Variants in ATG7 observed in about 807,000 individuals in gnomAD.
ATG7 encodes the protein autophagy related 7.
Under a neutral mutation model 82.4 loss-of-function variants are expected in ATG7, and 70 were observed. The ratio of observed to expected loss-of-function variants is 0.85; its 90% CI spans 0.70 to 1.04. ATG7 has a LOEUF of 1.04. Among genes scored for constraint, ATG7 ranks in the 50% least tolerant of loss-of-function variants. The pLI is 0.00. For synonymous variants in ATG7, 287 were observed against 313.0 expected, an observed-to-expected ratio of 0.92 and a Z score of 0.88; for missense variants, 792 against 864.3, an observed-to-expected ratio of 0.92 and a Z score of 1.05.
chr3:11,322,458 TAA>T (rs1950336446), intron 9 of ATG7, among the ~76,000 whole-genome samples: 1 of 152,232 alleles, frequency 6.6e-6, no homozygotes, highest in Admixed American at 6.5e-5. Flanking sequence ...TCTCTGTTTT[TAA>T]AATGTCGCAA....
chr3:11,518,257 T>G (rs1339773819), intron 20 of ATG7, among the ~76,000 whole-genome samples: 1 of 70,588 alleles, frequency 1.4e-5, no homozygotes, highest in Non-Finnish European at 3.6e-5. Context: ...TTGAAAAACC[T>G]GAGCCGAGGC....
At chr3:11,463,584 G>A (rs982635138) in intron 20 of ATG7, among the ~76,000 whole-genome samples, 5 of 150,858 alleles carry the variant, frequency 3.3e-5, no homozygotes, top group African/African-American at 7.3e-5. Flanking sequence ...AGGACTCTTG[G>A]TTTCAAGTGA....
At chr3:11,456,900 T>C (rs1302449446) in intron 20 of ATG7, among the ~76,000 whole-genome samples, 1 of 152,338 alleles carries the variant, frequency 6.6e-6, no homozygotes, top group East Asian at 1.9e-4. Flanking sequence ...GTAGTTGGTA[T>C]ACAGCACCTC....
intron 20 of ATG7, among the ~76,000 whole-genome samples, chr3:11,485,823 C>G (rs2089560437): frequency 6.6e-6 from 1 of 152,164 alleles, no homozygotes; most frequent in Non-Finnish European, 1.5e-5. Flanking sequence ...GCTTGCTTTT[C>G]TCAGTTTCGT....
intron 20 of ATG7, among the ~76,000 whole-genome samples, chr3:11,444,166 A>G (rs543222645): frequency 3.3e-5 from 5 of 152,250 alleles, no homozygotes; most frequent in South Asian, 2.1e-4. Flanking sequence ...TTTCGTTGCT[A>G]TGTAGTGTTT....
Position 11,347,917 on chromosome 3 carries a change from A to G in ATG7, c.1166A>G (p.Lys389Arg). The change falls in exon 14 of 21, where the codon AAG becomes AGG. Residue 389 changes from lysine to arginine, a missense_variant. Transcript: ENST00000693202. Reference protein sequence around the residue: ...VRHITFVDNAKISYSNPVRQP... With the variant: ...VRHITFVDNARISYSNPVRQP... ...CACATCACATTTGTGGACAATGCCAAGATCTCCTACTCCAATCCTGTGAGG... is the reference window on the plus strand; with the variant it reads ...CACATCACATTTGTGGACAATGCCAGGATCTCCTACTCCAATCCTGTGAGG... The G allele has an allele frequency of 1.9e-6, 3 of 1,614,188 alleles. No individual in the cohort carries two copies. The highest frequency in any genetic ancestry group is 2.5e-6 in the Non-Finnish European group (3 of 1,180,022).
chr3:11,430,821 A>T (rs1038144601), intron 20 of ATG7, among the ~76,000 whole-genome samples: 1 of 152,236 alleles, frequency 6.6e-6, no homozygotes, highest in African/African-American at 2.4e-5. Flanking sequence ...GGGGAATAGG[A>T]TGTCAAGAAA....
intron 9 of ATG7, among the ~76,000 whole-genome samples, chr3:11,328,114 A>C (rs1189632952): frequency 1.3e-5 from 2 of 152,234 alleles, no homozygotes; most frequent in African/African-American, 4.8e-5. Flanking sequence ...GGTACAGATA[A>C]AGATACAGAT....
intron 20 of ATG7, among the ~76,000 whole-genome samples, chr3:11,551,957 C>CA (rs1349636551): frequency 1.3e-5 from 2 of 152,116 alleles, no homozygotes; most frequent in Admixed American, 1.3e-4. Context: ...CCATGTTGGC[C>CA]AGGCTGGTCT....
chr3:11,566,229 CCA>C, the ATG7 span, among the ~76,000 whole-genome samples: 4,595 of 151,878 alleles, frequency 0.03, 117 homozygotes, highest in Non-Finnish European at 0.046. Flanking sequence ...CACACGCACA[CCA>C]CACACACACA....
chr3:11,545,706 GTC>G (rs1413560675), intron 20 of ATG7, among the ~76,000 whole-genome samples: 5 of 152,090 alleles, frequency 3.3e-5, no homozygotes, highest in Admixed American at 1.3e-4. Flanking sequence ...CTGGGCGTGT[GTC>G]TCTCTGTTGT....
intron 20 of ATG7, among the ~76,000 whole-genome samples, chr3:11,456,455 AGTT>A (rs1329871945): frequency 1.3e-5 from 2 of 152,186 alleles, no homozygotes; most frequent in Non-Finnish European, 2.9e-5. Flanking sequence ...TTCGTGTACA[AGTT>A]GTTGTATGAA....
chr3:11,275,132 T>C (rs978567927), intron 1 of ATG7, among the ~76,000 whole-genome samples: 2 of 151,862 alleles, frequency 1.3e-5, no homozygotes, highest in Admixed American at 6.6e-5. Flanking sequence ...TGGTAACTGA[T>C]AGGATGAAAC....
intron 9 of ATG7, 69 bp downstream of exon 9, chr3:11,315,562 GACC>G: frequency 7.5e-7 from 1 of 1,335,784 alleles, no homozygotes. Flanking sequence ...TGTTACAAGA[GACC>G]ACTGCAAAAT....
intron 19 of ATG7, among the ~76,000 whole-genome samples, chr3:11,423,760 T>G (rs1160836569): frequency 6.6e-6 from 1 of 152,050 alleles, no homozygotes; most frequent in Admixed American, 6.6e-5. Flanking sequence ...AGCCTGCAGG[T>G]CTTTTCTTAC....
In ATG7 at chr3:11,534,128, C is replaced by T. The variant is rs549856099; in HGVS notation, c.2080-20683C>T. Among the ~76,000 whole-genome samples the T allele has an allele frequency of 1.4e-4, 22 of 152,364 alleles. No individual in the cohort carries two copies. In the South Asian group the frequency reaches 4.3e-3, roughly 30 times the overall value. ...CTATCCAGTTGGCACAGCCATGCCC[C>T]TTTGCCCAGGGCTTGTCACCTGCAC... is the stretch of plus-strand genomic sequence containing the variant. On this transcript the variant is annotated intron_variant, in intron 20 of 20. Coordinates refer to ENST00000693202, the MANE Select transcript of ATG7 (RefSeq NM_001349232.2).
chr3:11,385,041 T>C (rs1431395996), intron 19 of ATG7, among the ~76,000 whole-genome samples: 1 of 152,100 alleles, frequency 6.6e-6, no homozygotes, highest in African/African-American at 2.4e-5. Flanking sequence ...TGTTTGTTTG[T>C]TTGTTTTGGG....
At chr3:11,326,643 A>T (rs1413356848) in intron 9 of ATG7, among the ~76,000 whole-genome samples, 1 of 152,178 alleles carries the variant, frequency 6.6e-6, no homozygotes, top group Non-Finnish European at 1.5e-5. Flanking sequence ...GTGAAGTTGA[A>T]GCGACGATTG....
At chr3:11,558,912 C>G (rs1191815806), downstream of ATG7, 6 of 1,503,360 alleles carry the variant, frequency 4.0e-6, no homozygotes, top group East Asian at 1.2e-4. Flanking sequence ...CTCAGGCAGC[C>G]CAGAGCCGGA....
Sources: allele counts gnomAD v4.1 joint callset (sites outside exome capture counted in the v4.1 genomes callset), GRCh38; gene constraint gnomAD v4.1.1; transcripts MANE v1.5; gene names NCBI Gene and HGNC (gene_info 2026-07-23, HGNC 2026-07-21).